Variants in MS4A4E observed in about 807,000 individuals in gnomAD.
MS4A4E encodes membrane spanning 4-domains A4E.
In MS4A4E, 23 loss-of-function variants were observed where a neutral mutation model predicts 13.3. The observed-to-expected ratio is 1.73, with a 90% CI of 1.25 to 2.45. The LOEUF is 2.45. Ranked by LOEUF, MS4A4E falls within the 30% of genes most tolerant of loss-of-function variation. MS4A4E has a pLI of 0.00. For missense variants in MS4A4E, 144 were observed against 131.2 expected, an observed-to-expected ratio of 1.10 and a Z score of -0.48; for synonymous variants, 36 against 45.6, an observed-to-expected ratio of 0.79 and a Z score of 0.85.
chr11:60,215,419 A>AAT (rs2084180635), intron 3 of MS4A4E, among the ~76,000 whole-genome samples: 1 of 151,356 alleles, frequency 6.6e-6, no homozygotes, highest in Admixed American at 6.6e-5. Flanking sequence ...GAAATATTCT[A>AAT]ATATATATAA....
chr11:60,220,624 T>C (rs1041278772), intron 3 of MS4A4E, among the ~76,000 whole-genome samples: 1 of 152,202 alleles, frequency 6.6e-6, no homozygotes, highest in Non-Finnish European at 1.5e-5. Flanking sequence ...ACTGGACTTA[T>C]TGGTAAGACA....
At chr11:60,242,860 T>A in intron 1 of MS4A4E, 98 bp downstream of exon 1, 1 of 852,010 alleles carries the variant, frequency 1.2e-6, no homozygotes, top group Non-Finnish European at 1.8e-6. Flanking sequence ...GGAAGTGACC[T>A]CATTTTTTTT....
chr11:60,221,140 A>C (rs2084265563), intron 3 of MS4A4E, among the ~76,000 whole-genome samples: 1 of 152,174 alleles, frequency 6.6e-6, no homozygotes, highest in Admixed American at 6.5e-5. Context: ...TTTTAGAAAG[A>C]GCTCTTGCCC....
rs563324120 is a variant in MS4A4E, at chr11:60,222,491, G to A, written c.178+6103C>T. Reference sequence around the variant, plus strand: ...AGGTGACAATACTTTTCAGGGCTGGGGCAATGTTCTCCAGAAGGCTGTGCA... The same window carrying A: ...AGGTGACAATACTTTTCAGGGCTGGAGCAATGTTCTCCAGAAGGCTGTGCA... On this transcript the variant is annotated intron_variant, in intron 3 of 8. Transcript: ENST00000651255. 2.5e-4 allele frequency among the ~76,000 whole-genome samples: 38 copies of A among 152,260 alleles called. No individual in the cohort carries two copies. In the South Asian group the frequency reaches 7.7e-3, roughly 31 times the overall value.
In MS4A4E at chr11:60,201,412, G is replaced by A. The variant is rs982243441; in HGVS notation, c.*131C>T. On this transcript the variant is annotated 3_prime_UTR_variant, in exon 9 of 9. Coordinates refer to ENST00000651255, the MANE Select transcript of MS4A4E (RefSeq NM_001393391.1). ...TCTCAGACGGGGCGGTTGCCAGGCG[G>A]AGGGTCTCCTCCCTTCTCAGATGGG... 5.4e-4 allele frequency: 108 copies of A among 198,940 alleles called. No homozygotes were observed. Among genetic ancestry groups the A allele is most frequent in the East Asian group, 3.5e-4 (2 of 5,690 alleles). The allele number at this position is 198,940 out of a possible 1,614,324, so 12.3% of individuals were successfully genotyped here.
chr11:60,237,027 C>T (rs143750714), intron 1 of MS4A4E, among the ~76,000 whole-genome samples: 6 of 152,258 alleles, frequency 3.9e-5, no homozygotes, highest in Admixed American at 6.5e-5. Context: ...TGAGCCACTG[C>T]GCCCAACCAT....
intron 4 of MS4A4E, among the ~76,000 whole-genome samples, chr11:60,213,881 C>G (rs1210294925): frequency 6.6e-6 from 1 of 151,190 alleles, no homozygotes; most frequent in East Asian, 1.9e-4. Context: ...ATTCAAAATC[C>G]TTTTTGGATA....
Position 60,208,579 on chromosome 11 carries a change from A to G in MS4A4E, c.483+14T>C. On this transcript the variant is annotated intron_variant, in intron 6 of 8. Coordinates refer to ENST00000651255, the MANE Select transcript of MS4A4E (RefSeq NM_001393391.1). ...AAGTAATACAGATACCTTCAAATGA[A>G]GGCCAATACTGACCTCACTGGGGCT... 1.0e-6 allele frequency: 1 copy of G among 957,780 alleles called. No individual in the cohort carries two copies. Among genetic ancestry groups the G allele is most frequent in the Non-Finnish European group, 1.6e-6 (1 of 622,194 alleles). The allele number at this position is 957,780 out of a possible 1,614,324, so 59.3% of individuals were successfully genotyped here.
intron 3 of MS4A4E, among the ~76,000 whole-genome samples, chr11:60,226,862 C>T (rs999997943): frequency 1.3e-5 from 2 of 151,950 alleles, no homozygotes; most frequent in Admixed American, 6.5e-5. Flanking sequence ...TCACAGATGA[C>T]GTGATTGTCT....
In MS4A4E at chr11:60,206,497, A is replaced by ATG. The variant is rs1401932956; in HGVS notation, c.484-678_484-677insCA. ...CACATATATATATATATGTATATAT[A>ATG]TACGTATATATATATACACACACAC... On this transcript the variant is annotated intron_variant, in intron 6 of 8. Coordinates refer to ENST00000651255, the MANE Select transcript of MS4A4E (RefSeq NM_001393391.1). 1.3e-3 allele frequency among the ~76,000 whole-genome samples: 108 copies of ATG among 81,248 alleles called. 9 individuals carry two copies. The highest frequency in any genetic ancestry group is 5.3e-3 in the African/African-American group (105 of 19,770). The allele number at this position is 81,248 out of a possible 152,430, so 53.3% of individuals were successfully genotyped here.
chr11:60,208,098 ACACT>A, intron 6 of MS4A4E, among the ~76,000 whole-genome samples: 1 of 152,188 alleles, frequency 6.6e-6, no homozygotes, highest in Non-Finnish European at 1.5e-5. Flanking sequence ...TTCTAAGGTG[ACACT>A]CACTGACCCC....
chr11:60,214,470 A>G, intron 4 of MS4A4E, 101 bp downstream of exon 4: 2 of 792,802 alleles, frequency 2.5e-6, no homozygotes, highest in South Asian at 2.5e-5. Context: ...GTTGCTCCTG[A>G]CTTTTTTAAA....
At chr11:60,216,377 T>A (rs1338932846) in intron 3 of MS4A4E, among the ~76,000 whole-genome samples, 1 of 152,124 alleles carries the variant, frequency 6.6e-6, no homozygotes, top group Non-Finnish European at 1.5e-5. Context: ...GTGATTCTGA[T>A]AATGGAGTGA....
intron 1 of MS4A4E, among the ~76,000 whole-genome samples, chr11:60,236,600 T>C (rs1170439438): frequency 2.0e-5 from 3 of 152,116 alleles, no homozygotes; most frequent in Admixed American, 6.5e-5. Context: ...TGCTAGCATA[T>C]AGAACTCCAA....
chr11:60,219,337 G>A (rs879807692), intron 3 of MS4A4E, among the ~76,000 whole-genome samples: 8 of 152,156 alleles, frequency 5.3e-5, no homozygotes, highest in Non-Finnish European at 8.8e-5. Flanking sequence ...GCAGCACTCA[G>A]CCATCAAAGG....
At chr11:60,222,725 G>C (rs1268383527) in intron 3 of MS4A4E, among the ~76,000 whole-genome samples, 4 of 152,116 alleles carry the variant, frequency 2.6e-5, no homozygotes, top group African/African-American at 9.7e-5. Flanking sequence ...GCCACCGGGA[G>C]ACAACAATGA....
intron 3 of MS4A4E, among the ~76,000 whole-genome samples, chr11:60,226,721 C>G (rs2084349341): frequency 6.6e-6 from 1 of 152,158 alleles, no homozygotes; most frequent in South Asian, 2.1e-4. Flanking sequence ...TCACTAAGAT[C>G]AGGACCAAGG....
At chr11:60,224,975 C>T in intron 3 of MS4A4E, 1 of 1,522,292 alleles carries the variant, frequency 6.6e-7, no homozygotes, top group Non-Finnish European at 8.8e-7. Flanking sequence ...CATCACTGAC[C>T]CCCAAATTGT....
intron 2 of MS4A4E, 118 bp downstream of exon 2, chr11:60,229,794 G>A: frequency 9.5e-6 from 9 of 949,450 alleles, no homozygotes; most frequent in Non-Finnish European, 1.2e-5. Flanking sequence ...AAATTCTGAT[G>A]TTACTAGGGC....
Sources: gnomAD v4.1 joint callset for allele counts (sites outside exome capture counted in the v4.1 genomes callset) on GRCh38, gnomAD v4.1.1 for gene constraint, MANE v1.5 for transcripts, NCBI Gene and HGNC (gene_info 2026-07-23, HGNC 2026-07-21) for gene names.